CTSK: variants seen among roughly 807,000 people sequenced by gnomAD.
CTSK encodes the protein cathepsin K.
A neutral mutation model predicts 40.5 loss-of-function variants in CTSK; 26 were observed. The observed-to-expected ratio is 0.64, with a 90% confidence interval of 0.47 to 0.89. The LOEUF (loss-of-function observed/expected upper bound fraction) is 0.89, where lower values mean the gene tolerates loss of function less well. Among genes scored for constraint, CTSK ranks in the 40% least tolerant of loss-of-function variants. The pLI, the probability that CTSK is intolerant of heterozygous loss-of-function variation, is 0.00. For synonymous variants in CTSK, 132 were observed against 143.2 expected (o/e 0.92, Z 0.56); for missense variants, 292 against 400.1 (o/e 0.73, Z 2.30).
chr1:150,807,563 AGATCCAAGGT>A (rs1193186776), intron 1 of CTSK: 13 of 337,670 alleles, frequency 3.8e-5, no homozygotes. Flanking sequence ...AAGAAGCCTC[AGATCCAAGGT>A]TTGTTAGAAG....
At position 150,806,084 on chromosome 1, in the gene CTSK, A is replaced by T. The variant is rs200621697; in HGVS notation, c.243+18T>A. 684 of 1,614,216 alleles carry T rather than the reference A, an allele frequency of 4.2e-4. 1 individual carries two copies. The highest frequency in any genetic ancestry group is 2.1e-3 in the South Asian group (195 of 91,078). ...AAGCAAATGGTGCAGGTGGGACAGG[A>T]GCTGAAGCTATACTTGCCATGTCCC... On this transcript the variant is annotated intron_variant, in intron 3 of 7. Transcript: ENST00000271651.
At position 150,806,122 on chromosome 1, in the gene CTSK, T is replaced by C. The variant is rs1477400707; in HGVS notation, c.223A>G (p.Met75Val). Residue 75 changes from methionine (M) to valine (V), a missense_variant, in exon 3 of 8, where the codon ATG (methionine) becomes GTG (valine). Met to Val is a conservative substitution (Grantham distance 21). Coordinates refer to ENST00000271651, the MANE Select transcript of CTSK (RefSeq NM_000396.4). ...CTTGCCATGTCCCCCAGGTGGTTCA[T>C]AGCCAGTTCATATGTATGGACACCA... ...SLGVHTYELA[M>V]NHLGDMTSEE... The C allele has an allele frequency of 5.6e-6, 9 of 1,614,092 alleles. No individual in the cohort carries two copies. The highest frequency in any genetic ancestry group is 2.2e-5 in the South Asian group (2 of 91,086).
intron 1 of CTSK, 54 bp downstream of exon 1, chr1:150,808,156 TACTC>T (rs1654162245): frequency 1.3e-5 from 2 of 152,194 alleles, no homozygotes; most frequent in African/African-American, 4.8e-5. Flanking sequence ...ACATCCCTAA[TACTC>T]AGAGAATTGA....
chr1:150,803,983 A>G, intron 5 of CTSK, 38 bp downstream of exon 5: 1 of 1,516,218 alleles, frequency 6.6e-7, no homozygotes, highest in South Asian at 1.1e-5. Flanking sequence ...GGGAAGGAGG[A>G]GCCAACAGAG....
At chr1:150,797,073 G>A (rs1653889171) in intron 7 of CTSK, among the ~76,000 whole-genome samples, 175 bp from the exon 8 acceptor site, 1 of 152,192 alleles carries the variant, frequency 6.6e-6, no homozygotes. Flanking sequence ...AGGTATCAAA[G>A]GAGGGAAAGA....
chr1:150,799,149 G>C lies in CTSK; in HGVS notation c.890+19C>G, dbSNP rs773186411. On this transcript the variant is annotated intron_variant, in intron 7 of 7. Coordinates refer to ENST00000271651, the MANE Select transcript of CTSK (RefSeq NM_000396.4). ...TTAAAAGGGTGACTGAATAACAAAAGTAGTGTTCCCATCATTACCTGTTTT... is the reference window on the plus strand; with the variant it reads ...TTAAAAGGGTGACTGAATAACAAAACTAGTGTTCCCATCATTACCTGTTTT... The C allele has an allele frequency of 1.4e-6, 2 of 1,479,512 alleles. No homozygotes were observed. The highest frequency in any genetic ancestry group is 1.9e-6 in the Non-Finnish European group (2 of 1,057,150). 91.6% of individuals were successfully genotyped at this position (1,479,512 alleles called of 1,614,324 possible).
chr1:150,799,134 G>A (rs1383971379), intron 7 of CTSK, 34 bp downstream of exon 7: 2 of 1,367,532 alleles, frequency 1.5e-6, no homozygotes, highest in East Asian at 2.3e-5. Context: ...TTAAAAGGGT[G>A]ACTGAATAAC....
At chr1:150,803,207 T>C (rs1011972614) in intron 5 of CTSK, among the ~76,000 whole-genome samples, 2 of 152,228 alleles carry the variant, frequency 1.3e-5, no homozygotes, top group African/African-American at 2.4e-5. Context: ...CCCTGGTAGA[T>C]ACATCTTACA....
Position 150,796,752 on chromosome 1 carries a change from C to G in CTSK, c.*47G>C, listed in dbSNP as rs1360876482. ...TTCCAAAGTGCATCGTTACACTGCACCATCGTGGAAGAAATGGAAGAGCAG... is the reference window on the plus strand; with the variant it reads ...TTCCAAAGTGCATCGTTACACTGCAGCATCGTGGAAGAAATGGAAGAGCAG... On this transcript the variant is annotated 3_prime_UTR_variant, in exon 8 of 8. Transcript: ENST00000271651. 7.6e-7 allele frequency: 1 copy of G among 1,323,046 alleles called. No individual in the cohort carries two copies. Among genetic ancestry groups the G allele is most frequent in the Admixed American group, 1.7e-5 (1 of 59,628 alleles). The allele number at this position is 1,323,046 out of a possible 1,614,324, so 82.0% of individuals were successfully genotyped here.
chr1:150,807,200 C>T, intron 1 of CTSK: 1 of 468,408 alleles, frequency 2.1e-6, no homozygotes. Context: ...GGGTCCCTAG[C>T]AGGCTTGGAG....
chr1:150,798,966 T>C (rs1240665765), intron 7 of CTSK, among the ~76,000 whole-genome samples: 1 of 152,170 alleles, frequency 6.6e-6, no homozygotes. Context: ...GGTATTCTTT[T>C]GTGGCAATGC....
chr1:150,803,938 T>G, intron 5 of CTSK, 83 bp downstream of exon 5: 1 of 1,162,454 alleles, frequency 8.6e-7, no homozygotes, highest in Non-Finnish European at 1.3e-6. Flanking sequence ...AAAACAGTAT[T>G]TCTGGAATTG....
chr1:150,798,390 A>G (rs1247324369), intron 7 of CTSK, among the ~76,000 whole-genome samples: 2 of 152,234 alleles, frequency 1.3e-5, no homozygotes, highest in African/African-American at 4.8e-5. Flanking sequence ...TGATCACATT[A>G]GAGACAAAAG....
At chr1:150,797,409 A>G (rs1317097205) in intron 7 of CTSK, among the ~76,000 whole-genome samples, 1 of 152,208 alleles carries the variant, frequency 6.6e-6, no homozygotes, top group Non-Finnish European at 1.5e-5. Flanking sequence ...TGGGAGAGTG[A>G]TATGATCAGA....
intron 4 of CTSK, among the ~76,000 whole-genome samples, chr1:150,804,967 T>C (rs1467571574): frequency 6.6e-6 from 1 of 152,132 alleles, no homozygotes; most frequent in Non-Finnish European, 1.5e-5. Flanking sequence ...ATCCTAGCAC[T>C]TTGGGAGGCC....
rs200870056 is a variant in CTSK at position 150,806,208 on chromosome 1, C to T, written c.137G>A (p.Arg46Gln). 15 of 1,613,806 alleles carry T rather than the reference C, an allele frequency of 9.3e-6. No individual in the cohort carries two copies. Among genetic ancestry groups the T allele is most frequent in the South Asian group, 5.5e-5 (5 of 91,058 alleles). The change falls in exon 3 of 8, where the codon CGG (arginine) becomes CAG (glutamine). Residue 46 changes from arginine (R) to glutamine (Q), a missense_variant. Coordinates refer to ENST00000271651, the MANE Select transcript of CTSK (RefSeq NM_000396.4). ...CAGGTTTTTTTCCCAAATTAAACGC[C>T]GAGAGATTTCATCCACCTAAACAAA... ...QYNNKVDEIS[R>Q]RLIWEKNLKY...
chr1:150,804,088 T>C lies in CTSK; in HGVS notation c.551A>G (p.Asn184Ser), dbSNP rs774888582. The change falls in exon 5 of 8, where the codon AAT becomes AGT. Residue 184 changes from asparagine to serine, a missense_variant. Asn to Ser is a conservative substitution (Grantham distance 46). Coordinates refer to ENST00000271651, the MANE Select transcript of CTSK (RefSeq NM_000396.4). Reference sequence around the variant, plus strand: ...GTTCTTCTGCACATATTGGAAGGCATTGGTCATGTAGCCCCCTCCACAGCC... The same window carrying C: ...GTTCTTCTGCACATATTGGAAGGCACTGGTCATGTAGCCCCCTCCACAGCC... ...NDGCGGGYMTNAFQYVQKNRG... is the reference protein window; with the variant it reads ...NDGCGGGYMTSAFQYVQKNRG... 3.7e-5 allele frequency: 59 copies of C among 1,614,038 alleles called. No homozygotes were observed. Among genetic ancestry groups the C allele is most frequent in the Non-Finnish European group, 4.9e-5 (58 of 1,180,036 alleles).
intron 5 of CTSK, chr1:150,800,776 C>G (rs1229742931): frequency 4.6e-5 from 7 of 153,770 alleles, no homozygotes; most frequent in African/African-American, 1.7e-4. Context: ...AATAGCCACT[C>G]TACTCCAGCC....
chr1:150,807,078 T>TCACACACACACACACACA lies in CTSK; in HGVS notation c.-1-273_-1-272insTGTGTGTGTGTGTGTGTG, dbSNP rs779217637. Reference sequence around the variant, plus strand: ...CTGTTTCTCTCTCTGTCTCTCTCTCTCTCACACACACACACACACACACAC... The same window carrying TCACACACACACACACACA: ...CTGTTTCTCTCTCTGTCTCTCTCTCTCACACACACACACACACACTCACACACACACACACACACACAC... On this transcript the variant is annotated intron_variant, in intron 1 of 7. Transcript: ENST00000271651. Among the ~76,000 whole-genome samples, 70 of 120,582 alleles carry TCACACACACACACACACA rather than the reference T, an allele frequency of 5.8e-4. 1 individual carries two copies. The highest frequency in any genetic ancestry group is 9.2e-4 in the Non-Finnish European group (53 of 57,642). The allele number at this position is 120,582 out of a possible 152,430, so 79.1% of individuals were successfully genotyped here. A position where few individuals can be genotyped will look rare whatever the true frequency, so the allele number is the denominator to read the frequency against.
Sources: allele counts gnomAD v4.1 joint callset (sites outside exome capture counted in the v4.1 genomes callset), GRCh38; gene constraint gnomAD v4.1.1; transcripts MANE v1.5; gene names NCBI Gene and HGNC (gene_info 2026-07-23, HGNC 2026-07-21).